The following CREG1 variants were observed in gnomAD, a reference collection of about 807,000 sequenced individuals.
CREG1 encodes protein CREG1.
CREG1 carries 20 observed loss-of-function variants against 19.9 expected under a neutral mutation model. The observed-to-expected ratio is 1.01, with a 90% CI of 0.71 to 1.46. The LOEUF (loss-of-function observed/expected upper bound fraction) is 1.46, where lower values mean the gene tolerates loss of function less well. Ranked by LOEUF, CREG1 falls within the 40% of genes most tolerant of loss-of-function variation. The pLI, the probability that CREG1 is intolerant of heterozygous loss-of-function variation, is 0.00. For synonymous variants in CREG1, 141 were observed against 143.3 expected, an observed-to-expected ratio of 0.98 and a Z score of 0.12; for missense variants, 290 against 314.9, an observed-to-expected ratio of 0.92 and a Z score of 0.60.
chr1:167,544,761 G>A (rs1227680569), intron 3 of CREG1, among the ~76,000 whole-genome samples: 4 of 152,196 alleles, frequency 2.6e-5, no homozygotes. Flanking sequence ...ACCTGTTGCG[G>A]TGGAAGGTTG....
chr1:167,545,470 T>A (rs1656301102), intron 3 of CREG1, among the ~76,000 whole-genome samples: 2 of 152,200 alleles, frequency 1.3e-5, no homozygotes, highest in South Asian at 4.1e-4. Flanking sequence ...ACAGATACGT[T>A]CATATCATGT....
chr1:167,546,169 G>T lies in CREG1; in HGVS notation c.591C>A (p.Ile197=). Residue 197 remains isoleucine (I), a synonymous_variant, in exon 3 of 4, where the codon ATC becomes ATA. Transcript: ENST00000370509. ...WFFAKLNITN[I]WVLDYFGGPK... is the part of the protein sequence containing the mutation. ...GTCCACCAAAGTAGTCCAGGACCCA[G>T]ATATTGGTTATATTCAACTTAGCAA... The T allele has an allele frequency of 6.2e-7, 1 of 1,613,504 alleles. No individual in the cohort carries two copies. The highest frequency in any genetic ancestry group is 8.5e-7 in the Non-Finnish European group (1 of 1,179,836).
Position 167,542,184 on chromosome 1 carries a change from C to T in CREG1, c.*114G>A. ...AGCAAGCAAACAAACCAGCATGTGA[C>T]AGAAAACTGGCTAATATTCTGGGAC... On this transcript the variant is annotated 3_prime_UTR_variant, in exon 4 of 4. Coordinates refer to ENST00000370509, the MANE Select transcript of CREG1 (RefSeq NM_003851.3). 1 of 913,158 alleles carries T rather than the reference C, an allele frequency of 1.1e-6. No individual in the cohort carries two copies. The allele number at this position is 913,158 out of a possible 1,614,324, so 56.6% of individuals were successfully genotyped here.
chr1:167,542,687 C>T (rs1043519393), intron 3 of CREG1, among the ~76,000 whole-genome samples: 2 of 152,228 alleles, frequency 1.3e-5, no homozygotes, highest in African/African-American at 2.4e-5. Context: ...GGGTCCTGAA[C>T]ATCAGGGCAG....
At chr1:167,544,670 G>A (rs1033819218) in intron 3 of CREG1, among the ~76,000 whole-genome samples, 10 of 152,056 alleles carry the variant, frequency 6.6e-5, no homozygotes, top group African/African-American at 2.4e-4. Flanking sequence ...ACCACTTCCT[G>A]GCTGCAAGAA....
intron 2 of CREG1, among the ~76,000 whole-genome samples, chr1:167,547,632 T>A (rs1167782967): frequency 6.6e-6 from 1 of 152,166 alleles, no homozygotes; most frequent in Non-Finnish European, 1.5e-5. Flanking sequence ...TCTGAAAAGA[T>A]CTATTCTGCC....
intron 1 of CREG1, among the ~76,000 whole-genome samples, chr1:167,550,862 C>T (rs1656412470): frequency 6.6e-6 from 1 of 151,838 alleles, no homozygotes; most frequent in Non-Finnish European, 1.5e-5. Context: ...AGGATCGCTG[C>T]AGGGAACAAA....
At position 167,542,180 on chromosome 1, in the gene CREG1, G is replaced by T; in HGVS notation, c.*118C>A. The stretch of plus-strand genomic sequence containing the variant: ...AACAAGCAAGCAAACAAACCAGCAT[G>T]TGACAGAAAACTGGCTAATATTCTG... On this transcript the variant is annotated 3_prime_UTR_variant, in exon 4 of 4. Coordinates refer to ENST00000370509, the MANE Select transcript of CREG1 (RefSeq NM_003851.3). The T allele has an allele frequency of 1.2e-6, 1 of 855,872 alleles. No homozygotes were observed. 53.0% of individuals were successfully genotyped at this position (855,872 alleles called of 1,614,324 possible). A position where few individuals can be genotyped will look rare whatever the true frequency, so the allele number is the denominator to read the frequency against.
intron 2 of CREG1, among the ~76,000 whole-genome samples, chr1:167,547,465 G>A (rs1571626090): frequency 6.6e-6 from 1 of 152,122 alleles, no homozygotes; most frequent in South Asian, 2.1e-4. Context: ...TGTTACATCT[G>A]CTTGGCTTCA....
chr1:167,541,968 A>G lies in CREG1; in HGVS notation c.*330T>C, dbSNP rs377737077. The G allele has an allele frequency of 5.9e-5, 13 of 222,024 alleles. No individual in the cohort carries two copies. Among genetic ancestry groups the G allele is most frequent in the African/African-American group, 2.8e-4 (12 of 43,582 alleles). The allele number at this position is 222,024 out of a possible 1,614,324, so 13.8% of individuals were successfully genotyped here. ...ACCTTCAAATGCCAATGGGCAATTT[A>G]AAACTGGTACTCATTCCTCTTCAAG... is the stretch of plus-strand genomic sequence containing the variant. On this transcript the variant is annotated 3_prime_UTR_variant, in exon 4 of 4. Coordinates refer to ENST00000370509, the MANE Select transcript of CREG1 (RefSeq NM_003851.3).
chr1:167,549,635 G>A (rs539134730), intron 1 of CREG1, among the ~76,000 whole-genome samples: 9 of 151,980 alleles, frequency 5.9e-5, no homozygotes, highest in Admixed American at 2.6e-4. Context: ...CACCCACCTC[G>A]GCCTCCCAAA....
chr1:167,552,838 G>C (rs1443391834), intron 1 of CREG1, among the ~76,000 whole-genome samples: 2 of 152,120 alleles, frequency 1.3e-5, no homozygotes, highest in African/African-American at 4.8e-5. Context: ...CGTGAGGTCA[G>C]GAGTTTGAGA....
intron 1 of CREG1, among the ~76,000 whole-genome samples, chr1:167,552,329 CAAT>C (rs1180830289): frequency 7.9e-5 from 12 of 152,228 alleles, no homozygotes; most frequent in African/African-American, 2.7e-4. Flanking sequence ...TCTTTATCAA[CAAT>C]GTTGTACTTT....
intron 3 of CREG1, among the ~76,000 whole-genome samples, chr1:167,544,434 T>G (rs777795109): frequency 1.8e-4 from 28 of 152,020 alleles, no homozygotes; most frequent in Non-Finnish European, 3.4e-4. Context: ...TGCTAAGAAT[T>G]TAAGCCCTCA....
Position 167,553,475 on chromosome 1 carries a change from G to C in CREG1, c.267C>G (p.Leu89=). 6.7e-7 allele frequency: 1 copy of C among 1,486,796 alleles called. No individual in the cohort carries two copies. The allele number at this position is 1,486,796 out of a possible 1,614,324, so 92.1% of individuals were successfully genotyped here. The part of the protein sequence containing the change: ...AVRGRPFADV[L]SLSDGPPGAG... ...CGCCCGGGGGCCCGTCGCTGAGCGA[G>C]AGGACGTCGGCGAAGGGCCGGCCGC... Residue 89 remains leucine (L), a synonymous_variant, in exon 1 of 4, where the codon CTC becomes CTG. Coordinates refer to ENST00000370509, the MANE Select transcript of CREG1 (RefSeq NM_003851.3).
In CREG1 at chr1:167,553,441, C is replaced by T. The variant is rs1656458260; in HGVS notation, c.301G>A (p.Gly101Ser). The T allele has an allele frequency of 2.0e-6, 3 of 1,478,486 alleles. No homozygotes were observed. The highest frequency in any genetic ancestry group is 2.9e-5 in the African/African-American group (2 of 68,466). The allele number at this position is 1,478,486 out of a possible 1,614,324, so 91.6% of individuals were successfully genotyped here. ...GGGCTCAGGTAGAAATAGGGCACGCCGCTGCCCGCGCCCGGGGGCCCGTCG... is the reference window on the plus strand; with the variant it reads ...GGGCTCAGGTAGAAATAGGGCACGCTGCTGCCCGCGCCCGGGGGCCCGTCG... Reference protein sequence around the residue: ...LSDGPPGAGSGVPYFYLSPLQ... With the variant: ...LSDGPPGAGSSVPYFYLSPLQ... Residue 101 changes from glycine (G) to serine (S), a missense_variant, in exon 1 of 4, where the codon GGC (glycine) becomes AGC (serine). Transcript: ENST00000370509.
At chr1:167,542,981 C>T (rs979244235) in intron 3 of CREG1, among the ~76,000 whole-genome samples, 11 of 152,158 alleles carry the variant, frequency 7.2e-5, no homozygotes, top group African/African-American at 2.7e-4. Flanking sequence ...GGCGCGGTGG[C>T]TCACACCTAT....
chr1:167,552,120 G>A (rs1279359097), intron 1 of CREG1, among the ~76,000 whole-genome samples: 1 of 152,246 alleles, frequency 6.6e-6, no homozygotes, highest in Non-Finnish European at 1.5e-5. Flanking sequence ...GTGATAGGTG[G>A]TTTGAAGAAA....
chr1:167,546,046 G>A, intron 3 of CREG1, 55 bp downstream of exon 3: 1 of 1,480,634 alleles, frequency 6.8e-7, no homozygotes, highest in South Asian at 1.4e-5. Context: ...GCCTTAGAAG[G>A]CTGAGGATGG....
Sources: allele counts gnomAD v4.1 joint callset (sites outside exome capture counted in the v4.1 genomes callset), GRCh38; gene constraint gnomAD v4.1.1; transcripts MANE v1.5; gene names NCBI Gene and HGNC (gene_info 2026-07-23, HGNC 2026-07-21).